Variants in KCNIP1 observed in about 807,000 individuals in gnomAD.
KCNIP1 encodes the protein A-type potassium channel modulatory protein KCNIP1.
KCNIP1 carries 18 observed loss-of-function variants against 33.0 expected under a neutral mutation model. That is an observed-to-expected ratio of 0.55 (90% CI 0.38 to 0.81). KCNIP1 has a LOEUF of 0.81. Ranked by LOEUF, KCNIP1 falls within the 30% of genes least tolerant of loss-of-function variation. KCNIP1 has a pLI of 0.00. For synonymous variants in KCNIP1, 93 were observed against 98.3 expected (o/e 0.95, Z 0.32); for missense variants, 238 against 271.6 (o/e 0.88, Z 0.87).
At chr5:170,445,364 A>T (rs1019649871) in intron 1 of KCNIP1, among the ~76,000 whole-genome samples, 3 of 152,222 alleles carry the variant, frequency 2.0e-5, no homozygotes, top group Non-Finnish European at 4.4e-5. Flanking sequence ...TATCAGGCCA[A>T]CTGGAAAAGC....
At chr5:170,591,469 A>G (rs2113552925) in intron 1 of KCNIP1, among the ~76,000 whole-genome samples, 1 of 152,350 alleles carries the variant, frequency 6.6e-6, no homozygotes, top group South Asian at 2.1e-4. Flanking sequence ...AAAATTTACC[A>G]TCTTAACCAT....
chr5:170,551,400 G>A (rs1212586945), intron 1 of KCNIP1, among the ~76,000 whole-genome samples: 1 of 152,210 alleles, frequency 6.6e-6, no homozygotes, highest in African/African-American at 2.4e-5. Flanking sequence ...AACACTGAAG[G>A]CACATGGGCA....
chr5:170,367,397 GAAAGAAA>G (rs1763705544), intron 1 of KCNIP1, among the ~76,000 whole-genome samples: 1 of 122,320 alleles, frequency 8.2e-6, no homozygotes, highest in African/African-American at 3.4e-5. Flanking sequence ...AAGAAAGAAA[GAAAGAAA>G]GAAAGAAAGA....
chr5:170,617,558 G>A (rs1044634373), intron 1 of KCNIP1, among the ~76,000 whole-genome samples: 9 of 152,168 alleles, frequency 5.9e-5, no homozygotes, highest in Non-Finnish European at 1.3e-4. Context: ...TCTAGAGATA[G>A]TGTTCACAGC....
chr5:170,420,330 G>A (rs1755448469), intron 1 of KCNIP1: 1 of 152,158 alleles, frequency 6.6e-6, no homozygotes, highest in African/African-American at 2.4e-5. Flanking sequence ...TTAATAAATA[G>A]CAAATATATG....
At chr5:170,372,749 A>T (rs908622366) in intron 1 of KCNIP1, among the ~76,000 whole-genome samples, 3 of 152,218 alleles carry the variant, frequency 2.0e-5, no homozygotes, top group African/African-American at 7.2e-5. Flanking sequence ...GAACATGCGG[A>T]ATCAAAGGGG....
rs1379585359 is a variant in KCNIP1 at position 170,674,974 on chromosome 5, TG to T, written c.62-43783del. Among the ~76,000 whole-genome samples, 521 of 115,884 alleles carry T rather than the reference TG, an allele frequency of 4.5e-3. 1 individual carries two copies. The highest frequency in any genetic ancestry group is 6.7e-3 in the Non-Finnish European group (392 of 58,684). The allele number at this position is 115,884 out of a possible 152,430, so 76.0% of individuals were successfully genotyped here. On this transcript the variant is annotated intron_variant, in intron 1 of 7. Transcript: ENST00000328939. ...GCTAGATGCACAGAGGGTTTTGTTT[TG>T]TTTTTTTTTTTTTAACCTTTCAGCA...
upstream of KCNIP1, chr5:170,503,948 AGCCCTCG>A: frequency 3.2e-6 from 1 of 315,680 alleles, no homozygotes; most frequent in Non-Finnish European, 4.5e-6. Context: ...CCCACCGTGC[AGCCCTCG>A]CCCCCGCCCC....
At chr5:170,404,422 G>C (rs178332) in intron 1 of KCNIP1, among the ~76,000 whole-genome samples, 2,819 of 152,210 alleles carry the variant, frequency 0.019, 80 homozygotes, top group African/African-American at 0.065. Context: ...AGTGGCACCA[G>C]ATGCTCAGGA....
intron 1 of KCNIP1, among the ~76,000 whole-genome samples, chr5:170,586,394 G>T (rs919789849): frequency 2.6e-5 from 4 of 152,200 alleles, no homozygotes; most frequent in Admixed American, 1.3e-4. Context: ...ATGCAGAGGA[G>T]GGGGAGAAGA....
intron 1 of KCNIP1, chr5:170,353,978 CCTTGA>C (rs759070469): frequency 6.2e-7 from 1 of 1,610,152 alleles, no homozygotes; most frequent in Admixed American, 1.7e-5. Context: ...TGGAAACTGG[CCTTGA>C]CCCTTGCTTT....
At chr5:170,648,832 T>TG in intron 1 of KCNIP1, among the ~76,000 whole-genome samples, 1 of 152,194 alleles carries the variant, frequency 6.6e-6, no homozygotes, top group East Asian at 1.9e-4. Context: ...ATGTTGATGG[T>TG]GGGGGAAGCT....
At chr5:170,680,208 T>G (rs1762288810) in intron 1 of KCNIP1, among the ~76,000 whole-genome samples, 1 of 152,102 alleles carries the variant, frequency 6.6e-6, no homozygotes, top group Admixed American at 6.5e-5. Context: ...CAAGGACAGG[T>G]CTCTGTGACT....
chr5:170,684,908 G>A (rs1422303063), intron 1 of KCNIP1, among the ~76,000 whole-genome samples: 2 of 152,058 alleles, frequency 1.3e-5, no homozygotes, highest in African/African-American at 2.4e-5. Context: ...AGCAATGTCT[G>A]TTGCTCACCT....
intron 1 of KCNIP1, among the ~76,000 whole-genome samples, chr5:170,607,871 C>T (rs1463652516): frequency 1.3e-5 from 2 of 152,184 alleles, no homozygotes; most frequent in African/African-American, 4.8e-5. Flanking sequence ...AGAAAGTTTT[C>T]CCTCTTCTCC....
intron 1 of KCNIP1, chr5:170,375,402 T>C (rs1353799402): frequency 6.6e-6 from 1 of 152,278 alleles, no homozygotes; most frequent in African/African-American, 2.4e-5. Flanking sequence ...CTGGGCTCCC[T>C]GGCTGGAATT....
At chr5:170,440,153 C>T (rs960602553) in intron 1 of KCNIP1, among the ~76,000 whole-genome samples, 2 of 152,168 alleles carry the variant, frequency 1.3e-5, no homozygotes, top group African/African-American at 2.4e-5. Flanking sequence ...ACGGAGAAGG[C>T]GGCGTCTGCA....
chr5:170,667,319 A>AG (rs2113761626), intron 1 of KCNIP1, among the ~76,000 whole-genome samples: 1 of 152,132 alleles, frequency 6.6e-6, no homozygotes, highest in South Asian at 2.1e-4. Flanking sequence ...TCTCAAAAAA[A>AG]AAAAAAAGTA....
chr5:170,585,755 G>A (rs1053477401), intron 1 of KCNIP1, among the ~76,000 whole-genome samples: 27 of 152,328 alleles, frequency 1.8e-4, no homozygotes, highest in African/African-American at 5.8e-4. Flanking sequence ...GGCAGACGGG[G>A]CCATTCGCTG....
Sources: gnomAD v4.1 joint callset for allele counts (sites outside exome capture counted in the v4.1 genomes callset) on GRCh38, gnomAD v4.1.1 for gene constraint, MANE v1.5 for transcripts, NCBI Gene and HGNC (gene_info 2026-07-23, HGNC 2026-07-21) for gene names.